NCKAP1: variants seen among roughly 807,000 people sequenced by gnomAD.
NCKAP1 encodes the protein NCK associated protein 1.
A neutral mutation model predicts 151.2 loss-of-function variants in NCKAP1; 21 were observed. The observed-to-expected ratio is 0.14, with a 90% CI of 0.10 to 0.20. The LOEUF is 0.20. NCKAP1 is among the 10% of genes least tolerant of loss of function. The pLI, the probability that NCKAP1 is intolerant of heterozygous loss-of-function variation, is 1.00. For missense variants in NCKAP1, 933 were observed against 1,352.1 expected (o/e 0.69, Z 4.86); for synonymous variants, 484 against 451.8 (o/e 1.07, Z -0.90).
chr2:183,037,249 T>A (rs945457192), intron 1 of NCKAP1, among the ~76,000 whole-genome samples: 3 of 152,182 alleles, frequency 2.0e-5, no homozygotes, highest in Non-Finnish European at 2.9e-5. Flanking sequence ...TTTTATTTTG[T>A]ACAGACACCG....
Position 182,957,532 on chromosome 2 carries a change from G to A in NCKAP1, c.1946C>T (p.Thr649Ile). ...CCTTTCAGGTTCCCCTTTCTTACCAGTCTGCTTTTTTGATTTCTTATTCAC... is the reference window on the plus strand; with the variant it reads ...CCTTTCAGGTTCCCCTTTCTTACCAATCTGCTTTTTTGATTTCTTATTCAC... ...QAVNKKSKKQTGKKGEPEREK... is the reference protein window; with the variant it reads ...QAVNKKSKKQIGKKGEPEREK... Residue 649 changes from threonine (T) to isoleucine (I), a missense_variant, in exon 19 of 31, where the codon ACT becomes ATT. Around this residue, in one of 2 missense-constraint regions of NCKAP1, gnomAD observed 607 missense variants for 795.0 expected, o/e 0.76. Coordinates refer to ENST00000361354, the MANE Select transcript of NCKAP1 (RefSeq NM_013436.5). 1 of 1,613,814 alleles carries A rather than the reference G, an allele frequency of 6.2e-7. No homozygotes were observed. The highest frequency in any genetic ancestry group is 8.5e-7 in the Non-Finnish European group (1 of 1,179,884).
intron 17 of NCKAP1, among the ~76,000 whole-genome samples, chr2:182,963,511 CAAG>C (rs1479268522): frequency 2.6e-5 from 4 of 152,148 alleles, no homozygotes; most frequent in African/African-American, 9.6e-5. Context: ...GCTACGGTGC[CAAG>C]AATAAAGTTT....
intron 2 of NCKAP1, 82 bp from the exon 3 acceptor site, chr2:183,003,407 G>C: frequency 1.2e-6 from 1 of 830,520 alleles, no homozygotes; most frequent in Non-Finnish European, 1.9e-6. Flanking sequence ...TTTTATGACT[G>C]CTATATGGAA....
intron 15 of NCKAP1, among the ~76,000 whole-genome samples, chr2:182,974,737 A>G (rs1697770707): frequency 6.6e-6 from 1 of 152,292 alleles, no homozygotes; most frequent in East Asian, 1.9e-4. Flanking sequence ...ACTATGAAAT[A>G]ATACATTTCT....
chr2:183,019,457 G>A (rs888574940), intron 2 of NCKAP1, among the ~76,000 whole-genome samples: 3 of 152,148 alleles, frequency 2.0e-5, no homozygotes, highest in African/African-American at 7.2e-5. Flanking sequence ...TAATTTGTAT[G>A]TGTTAATAAA....
chr2:182,927,068 G>A, intron 29 of NCKAP1, 163 bp from the exon 30 acceptor site: 1 of 501,414 alleles, frequency 2.0e-6, no homozygotes, highest in Non-Finnish European at 3.5e-6. Context: ...CATTCAAGCA[G>A]TAATTTAGAG....
intron 8 of NCKAP1, among the ~76,000 whole-genome samples, 158 bp from the exon 9 acceptor site, chr2:182,989,344 C>T (rs760764216): frequency 1.2e-4 from 18 of 152,264 alleles, no homozygotes; most frequent in African/African-American, 4.1e-4. Context: ...CATGGTAATA[C>T]GTTTCTTTTC....
Position 182,981,331 on chromosome 2 carries a change from A to T in NCKAP1, c.1254T>A (p.His418Gln). ...LIFYMEELRA[H>Q]VRKYGPVMQR... ...GCATTACAGGTCCGTATTTCCTCAC[A>T]TGTGCTCTAAGTTCTTCCATGTAAA... is the stretch of plus-strand genomic sequence containing the variant. The change falls in exon 13 of 31, where the codon CAT (histidine) becomes CAA (glutamine). Residue 418 changes from histidine to glutamine, a missense_variant. This residue lies in a region of NCKAP1 where 607 missense variants were observed against 795.0 expected (regional missense o/e 0.76). Coordinates refer to ENST00000361354, the MANE Select transcript of NCKAP1 (RefSeq NM_013436.5). 6.2e-7 allele frequency: 1 copy of T among 1,613,438 alleles called. No homozygotes were observed. Among genetic ancestry groups the T allele is most frequent in the Non-Finnish European group, 8.5e-7 (1 of 1,179,422 alleles).
Position 182,915,292 on chromosome 2 carries a change from C to CT in NCKAP1, c.*10409dup, listed in dbSNP as rs1696449418. The stretch of plus-strand genomic sequence containing the variant: ...ATAGAATGCAAATGTTCAGACTTTG[C>CT]TTTTCAAAAACGTTGTATGGTTCAC... On this transcript the variant is annotated 3_prime_UTR_variant, in exon 31 of 31. Coordinates refer to ENST00000361354, the MANE Select transcript of NCKAP1 (RefSeq NM_013436.5). 1 of 151,988 alleles carries CT rather than the reference C, an allele frequency of 6.6e-6. No homozygotes were observed. Among genetic ancestry groups the CT allele is most frequent in the African/African-American group, 2.4e-5 (1 of 41,246 alleles). The allele number at this position is 151,988 out of a possible 1,614,324, so 9.4% of individuals were successfully genotyped here. A position where few individuals can be genotyped will look rare whatever the true frequency, so the allele number is the denominator to read the frequency against.
chr2:182,935,529 G>C (rs1696855780), intron 24 of NCKAP1, 154 bp from the exon 25 acceptor site: 3 of 505,936 alleles, frequency 5.9e-6, no homozygotes, highest in East Asian at 6.7e-5. Flanking sequence ...TGATTAAAGA[G>C]AGAAAGATGT....
chr2:183,006,739 C>A (rs974144644), intron 2 of NCKAP1, among the ~76,000 whole-genome samples: 3 of 152,086 alleles, frequency 2.0e-5, no homozygotes, highest in Non-Finnish European at 2.9e-5. Flanking sequence ...TTAATTCAAT[C>A]ACATTGTTTT....
At chr2:182,943,116 G>T (rs1008123767) in intron 23 of NCKAP1, among the ~76,000 whole-genome samples, 1 of 152,058 alleles carries the variant, frequency 6.6e-6, no homozygotes, top group Non-Finnish European at 1.5e-5. Context: ...TCTCTATAAT[G>T]GTTCTCAGCC....
chr2:182,986,707 CTG>C (rs1698064268), intron 9 of NCKAP1, among the ~76,000 whole-genome samples: 1 of 151,944 alleles, frequency 6.6e-6, no homozygotes, highest in Non-Finnish European at 1.5e-5. Flanking sequence ...AAGGAGAAAA[CTG>C]AGGCAGAAAA....
chr2:182,935,305 T>C lies in NCKAP1; in HGVS notation c.2766A>G (p.Glu922=). 1.3e-6 allele frequency: 2 copies of C among 1,588,854 alleles called. No individual in the cohort carries two copies. Among genetic ancestry groups the C allele is most frequent in the Admixed American group, 3.6e-5 (2 of 54,980 alleles). Residue 922 remains glutamate (E), a synonymous_variant, in exon 25 of 31, where the codon GAA becomes GAG. Coordinates refer to ENST00000361354, the MANE Select transcript of NCKAP1 (RefSeq NM_013436.5). The part of the protein sequence containing the change: ...VILSFRSLAQ[E]ALRDVLSYHI... ...AATGGTTTCTTACATCTCTAAGTGC[T>C]TCTTGTGCCAATGATCGGAAGGATA...
rs373815594 is a variant in NCKAP1 at position 182,929,938 on chromosome 2, A to T, written c.2953+757T>A. ...AAGGGCTGGTCTTAAAAATTTCTAA[A>T]TGTTTTATATAAAACTCTTGATGGT... On this transcript the variant is annotated intron_variant, in intron 27 of 30. Transcript: ENST00000361354. Among the ~76,000 whole-genome samples, 103 of 152,078 alleles carry T rather than the reference A, an allele frequency of 6.8e-4. 1 individual carries two copies. The highest frequency in any genetic ancestry group is 2.4e-3 in the African/African-American group (100 of 41,532).
At chr2:182,986,262 T>C (rs745748875) in intron 9 of NCKAP1, 35 bp from the exon 10 acceptor site, 1 of 1,531,172 alleles carries the variant, frequency 6.5e-7, no homozygotes, top group South Asian at 1.1e-5. Context: ...GTTAGTTTAA[T>C]TTGATCAATA....
In NCKAP1 at chr2:182,953,179, A is replaced by C. The variant is rs1324864442; in HGVS notation, c.2306T>G (p.Leu769Arg). The change falls in exon 21 of 31, where the codon CTT (leucine) becomes CGT (arginine). Residue 769 changes from leucine to arginine, a missense_variant. Physicochemically the swap from Leu to Arg is moderately radical, Grantham distance 102. Coordinates refer to ENST00000361354, the MANE Select transcript of NCKAP1 (RefSeq NM_013436.5). ...IDITRVFNNV[L>R]LQQTQHLDSH... ...GTCTAAATGTTGTGTTTGTTGAAGAAGCACATTATTAAATACTCTTGTAAT... is the reference window on the plus strand; with the variant it reads ...GTCTAAATGTTGTGTTTGTTGAAGACGCACATTATTAAATACTCTTGTAAT... 6.2e-7 allele frequency: 1 copy of C among 1,613,482 alleles called. No individual in the cohort carries two copies. Among genetic ancestry groups the C allele is most frequent in the South Asian group, 1.1e-5 (1 of 91,058 alleles).
At chr2:183,023,650 A>C (rs973862858) in intron 2 of NCKAP1, among the ~76,000 whole-genome samples, 156 bp downstream of exon 2, 1 of 152,180 alleles carries the variant, frequency 6.6e-6, no homozygotes, top group Non-Finnish European at 1.5e-5. Context: ...GGTCTCGGAC[A>C]TAAGAATATT....
At chr2:182,971,610 G>A (rs192982290) in intron 15 of NCKAP1, among the ~76,000 whole-genome samples, 4 of 150,026 alleles carry the variant, frequency 2.7e-5, no homozygotes, top group Admixed American at 6.6e-5. Context: ...ATCCTGAAAA[G>A]TACAATCCAA....
Sources: gnomAD v4.1 joint callset for allele counts (sites outside exome capture counted in the v4.1 genomes callset) on GRCh38, gnomAD v4.1.1 for gene constraint, gnomAD v4.1.1 regional missense constraint, MANE v1.5 for transcripts, NCBI Gene and HGNC (gene_info 2026-07-23, HGNC 2026-07-21) for gene names.